Variants in CHRDL1 observed in about 807,000 individuals in gnomAD.
CHRDL1 encodes chordin like 1.
In CHRDL1, 19 loss-of-function variants were observed where a neutral mutation model predicts 40.9. The ratio of observed to expected loss-of-function variants is 0.46; its 90% confidence interval spans 0.32 to 0.68. The LOEUF is 0.68. Among genes scored for constraint, CHRDL1 ranks in the 30% least tolerant of loss-of-function variants. CHRDL1 has a pLI of 0.03. For missense variants in CHRDL1, 329 were observed against 352.1 expected (o/e 0.93, Z 0.53); for synonymous variants, 136 against 123.4 (o/e 1.10, Z -0.68).
intron 4 of CHRDL1, among the ~76,000 whole-genome samples, chrX:110,738,186 T>C (rs1345435469): frequency 4.5e-5 from 5 of 112,279 alleles, no homozygotes; most frequent in Non-Finnish European, 9.4e-5. Flanking sequence ...AGCAAAGATC[T>C]AGCTGTCCTT....
intron 1 of CHRDL1, among the ~76,000 whole-genome samples, chrX:110,795,185 G>C (rs1370596332): frequency 9.0e-6 from 1 of 111,712 alleles, no homozygotes; most frequent in Non-Finnish European, 1.9e-5. Context: ...GCAGGGCTGG[G>C]AGGGACTGGA....
intron 6 of CHRDL1, among the ~76,000 whole-genome samples, chrX:110,718,383 T>C (rs777732696): frequency 1.8e-5 from 2 of 112,483 alleles, no homozygotes; most frequent in African/African-American, 6.5e-5. Context: ...GATCACTTCA[T>C]ACTCTTTCTC....
At chrX:110,719,385 C>T (rs763502915) in intron 6 of CHRDL1, among the ~76,000 whole-genome samples, 7 of 111,759 alleles carry the variant, frequency 6.3e-5, no homozygotes, top group Non-Finnish European at 1.3e-4. Context: ...GAGTTTGTCA[C>T]CATCTTATTA....
At chrX:110,747,664 T>C (rs760143386) in intron 4 of CHRDL1, among the ~76,000 whole-genome samples, 10 of 112,527 alleles carry the variant, frequency 8.9e-5, no homozygotes, top group Non-Finnish European at 1.9e-4. Flanking sequence ...TGTAGAGTTG[T>C]ACTGATGCTT....
chrX:110,694,340 T>C lies in CHRDL1; in HGVS notation c.610-9A>G, dbSNP rs769731966. The C allele has an allele frequency of 8.4e-7, 1 of 1,188,612 alleles. No homozygotes were observed. Among genetic ancestry groups the C allele is most frequent in the African/African-American group, 1.8e-5 (1 of 56,593 alleles). ...CGGTGGTAAGAATGTCTCTGTAAAA[T>C]AACAAGAACAAATTTAGTCCAAAAG... is the stretch of plus-strand genomic sequence containing the variant. On this transcript the variant is annotated splice_polypyrimidine_tract_variant and intron_variant, in intron 7 of 11. Coordinates refer to ENST00000372042, the MANE Select transcript of CHRDL1 (RefSeq NM_001143981.2).
In CHRDL1 at chrX:110,675,672, CGTGCGTGT is replaced by C. The variant is rs2069758232; in HGVS notation, c.*551_*558del. ...AGCTTTCGTTTAATGTGAGTGTGGACGTGCGTGTGTGTGTGTGTGTGTGTGTGTGTGTG... is the reference window on the plus strand; with the variant it reads ...AGCTTTCGTTTAATGTGAGTGTGGACGTGTGTGTGTGTGTGTGTGTGTGTG... On this transcript the variant is annotated 3_prime_UTR_variant, in exon 12 of 12. Transcript: ENST00000372042. 1 of 56,846 alleles carries C rather than the reference CGTGCGTGT, an allele frequency of 1.8e-5. No homozygotes were observed. Among genetic ancestry groups the C allele is most frequent in the Non-Finnish European group, 2.9e-5 (1 of 34,849 alleles). The allele number at this position is 56,846 out of a possible 1,213,427, so 4.7% of individuals were successfully genotyped here.
In CHRDL1 at chrX:110,786,068, T is replaced by C. The variant is rs1438414228; in HGVS notation, c.94+6020A>G. ...AACCAAGGTTACCCAGAATGTGCCT[T>C]ATTCAAACATCCCAGGATCAATACT... On this transcript the variant is annotated intron_variant, in intron 2 of 11. Transcript: ENST00000372042. Among the ~76,000 whole-genome samples, 3 of 112,204 alleles carry C rather than the reference T, an allele frequency of 2.7e-5. No homozygotes were observed. The South Asian group carries it at 1.1e-3, about 41-fold the overall frequency.
intron 7 of CHRDL1, among the ~76,000 whole-genome samples, chrX:110,698,084 C>A (rs1363661075): frequency 9.0e-6 from 1 of 111,495 alleles, no homozygotes; most frequent in African/African-American, 3.3e-5. Flanking sequence ...TTCTGTTGAA[C>A]AGAGGTTTTG....
rs566270148 is a variant in CHRDL1, at chrX:110,765,272, G to A, written c.95-2465C>T. ...ATGTGATTTCACCCCCAGCGGCCCA[G>A]CTGTAAAATTCCTCTCTTTGTACTC... is the stretch of plus-strand genomic sequence containing the variant. On this transcript the variant is annotated intron_variant, in intron 2 of 11. Transcript: ENST00000372042. Among the ~76,000 whole-genome samples the A allele has an allele frequency of 1.7e-4, 19 of 111,752 alleles. No homozygotes were observed. In the South Asian group the frequency reaches 7.1e-3, roughly 42 times the overall value.
intron 2 of CHRDL1, among the ~76,000 whole-genome samples, chrX:110,765,771 C>G (rs1022840538): frequency 1.8e-5 from 2 of 111,716 alleles, no homozygotes; most frequent in Non-Finnish European, 3.8e-5. Flanking sequence ...ATTCCACTGA[C>G]AGCACTAGAC....
intron 6 of CHRDL1, among the ~76,000 whole-genome samples, chrX:110,710,945 C>G (rs2070736537): frequency 9.0e-6 from 1 of 111,246 alleles, no homozygotes; most frequent in African/African-American, 3.3e-5. Flanking sequence ...GTTCCACGAC[C>G]CCCCACAGAT....
chrX:110,725,820 T>C (rs1240572344), intron 4 of CHRDL1, among the ~76,000 whole-genome samples: 1 of 112,071 alleles, frequency 8.9e-6, no homozygotes, highest in Non-Finnish European at 1.9e-5. Context: ...ACTTTTCTTC[T>C]GATGGCTGAG....
At chrX:110,687,111 A>T (rs2148416899) in intron 9 of CHRDL1, among the ~76,000 whole-genome samples, 1 of 110,734 alleles carries the variant, frequency 9.0e-6, no homozygotes, top group African/African-American at 3.3e-5. Flanking sequence ...AATGTGCATT[A>T]GAATCACCTG....
intron 6 of CHRDL1, among the ~76,000 whole-genome samples, chrX:110,707,344 A>G (rs1242056347): frequency 1.8e-5 from 2 of 112,077 alleles, no homozygotes; most frequent in Non-Finnish European, 3.8e-5. Context: ...GACAATCCTA[A>G]GCAAAAGGAA....
intron 6 of CHRDL1, among the ~76,000 whole-genome samples, chrX:110,706,451 G>A (rs1279612903): frequency 3.6e-5 from 4 of 111,957 alleles, no homozygotes; most frequent in Non-Finnish European, 5.6e-5. Context: ...CTCTCTCTGA[G>A]TGGTACCCTA....
intron 1 of CHRDL1, among the ~76,000 whole-genome samples, chrX:110,793,655 A>G (rs950622310): frequency 8.9e-6 from 1 of 112,291 alleles, no homozygotes; most frequent in African/African-American, 3.2e-5. Context: ...GCCTATTCTA[A>G]TAAGTTTATT....
At chrX:110,795,050 T>C in intron 1 of CHRDL1, among the ~76,000 whole-genome samples, 1 of 112,616 alleles carries the variant, frequency 8.9e-6, no homozygotes, top group Non-Finnish European at 1.9e-5. Flanking sequence ...TTGCTGCTTA[T>C]GACTGACAAA....
In CHRDL1 at chrX:110,700,646, A is replaced by G. The variant is rs751620134; in HGVS notation, c.609+8T>C. On this transcript the variant is annotated splice_region_variant and intron_variant, in intron 7 of 11. Transcript: ENST00000372042. ...GAGTGTTGAATTATTTGAGCTATTC[A>G]CACTTACTGCTTCTCTGTTGGCAGG... is the stretch of plus-strand genomic sequence containing the variant. The G allele has an allele frequency of 8.7e-7, 1 of 1,147,255 alleles. No individual in the cohort carries two copies. The highest frequency in any genetic ancestry group is 1.8e-5 in the South Asian group (1 of 55,553). The allele number at this position is 1,147,255 out of a possible 1,213,427, so 94.5% of individuals were successfully genotyped here.
At chrX:110,744,961 TCA>T (rs530325738) in intron 4 of CHRDL1, among the ~76,000 whole-genome samples, 898 of 83,712 alleles carry the variant, frequency 0.011, 5 homozygotes, top group African/African-American at 0.012. Context: ...TCTCTCTCAT[TCA>T]CACACACACA....
Sources: gnomAD v4.1 joint callset for allele counts (sites outside exome capture counted in the v4.1 genomes callset) on GRCh38, gnomAD v4.1.1 for gene constraint, MANE v1.5 for transcripts, NCBI Gene and HGNC (gene_info 2026-07-23, HGNC 2026-07-21) for gene names.